NEXMIF: variants seen among roughly 807,000 people sequenced by gnomAD.
NEXMIF encodes XLMR protein related to neurite extension.
A neutral mutation model predicts 62.1 loss-of-function variants in NEXMIF; 8 were observed. The observed-to-expected ratio is 0.13, with a 90% CI of 0.08 to 0.23. The LOEUF is 0.23. Ranked by LOEUF, NEXMIF falls within the 10% of genes least tolerant of loss-of-function variation. The pLI is 1.00. For synonymous variants in NEXMIF, 404 were observed against 416.6 expected, an observed-to-expected ratio of 0.97 and a Z score of 0.37; for missense variants, 976 against 1,113.3, an observed-to-expected ratio of 0.88 and a Z score of 1.75.
At chrX:74,891,387 C>T (rs1258724495) in intron 1 of NEXMIF, among the ~76,000 whole-genome samples, 1 of 109,597 alleles carries the variant, frequency 9.1e-6, no homozygotes, top group African/African-American at 3.3e-5. Flanking sequence ...AGAGAAAAGC[C>T]TAAAGGAAAC....
chrX:74,822,614 C>G (rs1264234489), intron 1 of NEXMIF, among the ~76,000 whole-genome samples: 2 of 112,080 alleles, frequency 1.8e-5, no homozygotes, highest in East Asian at 2.8e-4. Context: ...AGAAGATATA[C>G]AAATGGCCAA....
intron 1 of NEXMIF, among the ~76,000 whole-genome samples, chrX:74,774,156 T>C (rs1469379753): frequency 9.0e-6 from 1 of 111,260 alleles, no homozygotes; most frequent in Non-Finnish European, 1.9e-5. Flanking sequence ...TAAGTGAATA[T>C]GGTAACAGGA....
intron 1 of NEXMIF, among the ~76,000 whole-genome samples, chrX:74,803,080 C>T (rs772395158): frequency 9.1e-6 from 1 of 110,021 alleles, no homozygotes; most frequent in South Asian, 3.8e-4. Flanking sequence ...AAAATAGCCT[C>T]GAAAGGAAAA....
intron 1 of NEXMIF, among the ~76,000 whole-genome samples, chrX:74,902,868 C>T: frequency 8.9e-6 from 1 of 112,070 alleles, no homozygotes; most frequent in East Asian, 2.8e-4. Flanking sequence ...CAGTAAGTGC[C>T]ACTTCACATT....
At chrX:74,817,386 T>G (rs945021206) in intron 1 of NEXMIF, among the ~76,000 whole-genome samples, 5 of 111,381 alleles carry the variant, frequency 4.5e-5, no homozygotes, top group African/African-American at 1.6e-4. Context: ...TCCGGAAGAC[T>G]AAGGCAAGGC....
chrX:74,740,004 T>G, intron 3 of NEXMIF, 96 bp downstream of exon 3: 1 of 789,064 alleles, frequency 1.3e-6, no homozygotes, highest in East Asian at 3.2e-5. Context: ...CATGCAAATT[T>G]TTGCTTTCAA....
chrX:74,820,263 C>G (rs964080295), intron 1 of NEXMIF, among the ~76,000 whole-genome samples: 1 of 109,811 alleles, frequency 9.1e-6, no homozygotes, highest in Non-Finnish European at 1.9e-5. Flanking sequence ...TGCAGCAAAC[C>G]AACATGACCC....
chrX:74,860,214 T>A (rs970848703), intron 1 of NEXMIF, among the ~76,000 whole-genome samples: 14 of 111,918 alleles, frequency 1.3e-4, no homozygotes, highest in African/African-American at 4.2e-4. Context: ...ATACCAATTT[T>A]AAATATATAT....
chrX:74,879,064 G>C (rs192682296), intron 1 of NEXMIF, among the ~76,000 whole-genome samples: 5 of 112,120 alleles, frequency 4.5e-5, no homozygotes, highest in East Asian at 2.8e-4. Flanking sequence ...AAATACCACT[G>C]TGTTACAATT....
At chrX:74,895,345 T>G (rs1602270389) in intron 1 of NEXMIF, among the ~76,000 whole-genome samples, 1 of 111,964 alleles carries the variant, frequency 8.9e-6, no homozygotes, top group African/African-American at 3.2e-5. Flanking sequence ...TCCATGTTTG[T>G]GGGTTGGAAG....
At chrX:74,878,069 T>G (rs1443904812) in intron 1 of NEXMIF, among the ~76,000 whole-genome samples, 1 of 111,725 alleles carries the variant, frequency 9.0e-6, no homozygotes, top group African/African-American at 3.3e-5. Context: ...GTCGCTCTGC[T>G]TTTTAGAGTT....
chrX:74,878,105 C>A (rs749784138), intron 1 of NEXMIF, among the ~76,000 whole-genome samples: 1,167 of 111,133 alleles, frequency 0.011, 17 homozygotes, highest in African/African-American at 0.035. Context: ...CTGTTTTTTC[C>A]CCATCTTTGT....
At chrX:74,739,928 G>C in intron 3 of NEXMIF, 172 bp downstream of exon 3, 1 of 457,060 alleles carries the variant, frequency 2.2e-6, no homozygotes, top group Non-Finnish European at 3.7e-6. Context: ...TAAAGGTATA[G>C]GGATTTTCAT....
chrX:74,835,300 T>A (rs2080452695), intron 1 of NEXMIF, among the ~76,000 whole-genome samples: 1 of 111,930 alleles, frequency 8.9e-6, no homozygotes. Flanking sequence ...TTAGGATAGG[T>A]CCTGGTGCCT....
chrX:74,863,714 C>T (rs1320345381), intron 1 of NEXMIF, among the ~76,000 whole-genome samples: 1 of 111,876 alleles, frequency 8.9e-6, no homozygotes, highest in Non-Finnish European at 1.9e-5. Flanking sequence ...TCTTCTGAAA[C>T]TATTCTAAAC....
At chrX:74,777,052 T>C (rs746331502) in intron 1 of NEXMIF, among the ~76,000 whole-genome samples, 3 of 112,007 alleles carry the variant, frequency 2.7e-5, no homozygotes, top group Non-Finnish European at 5.6e-5. Context: ...TAAGTTGACC[T>C]ATCCCCTCTA....
intron 1 of NEXMIF, among the ~76,000 whole-genome samples, chrX:74,921,917 G>A (rs2080828396): frequency 9.0e-6 from 1 of 111,361 alleles, no homozygotes; most frequent in Non-Finnish European, 1.9e-5. Flanking sequence ...TGTAACAGTC[G>A]AATGCCATTT....
intron 1 of NEXMIF, among the ~76,000 whole-genome samples, chrX:74,898,774 A>G (rs985218782): frequency 2.7e-5 from 3 of 111,664 alleles, no homozygotes; most frequent in African/African-American, 9.7e-5. Flanking sequence ...CTAATAACAA[A>G]TTCAGCAAAG....
In NEXMIF at chrX:74,741,062, T is replaced by C; in HGVS notation, c.3495A>G (p.Gln1165=). 1 of 1,211,801 alleles carries C rather than the reference T, an allele frequency of 8.3e-7. No individual in the cohort carries two copies. Among genetic ancestry groups the C allele is most frequent in the Non-Finnish European group, 1.1e-6 (1 of 895,448 alleles). The change falls in exon 3 of 4, where the codon CAA becomes CAG. Residue 1165 remains glutamine, a synonymous_variant. Coordinates refer to ENST00000055682, the MANE Select transcript of NEXMIF (RefSeq NM_001008537.3). ...TTGACACTTTGTTGTTGGTACTAAT[T>C]TGACCAGATGGATCATTAAATGTTG... ...CLSTFNDPSG[Q]ISTNNKVSKS...
Sources: gnomAD v4.1 joint callset for allele counts (sites outside exome capture counted in the v4.1 genomes callset) on GRCh38, gnomAD v4.1.1 for gene constraint, MANE v1.5 for transcripts, NCBI Gene and HGNC (gene_info 2026-07-23, HGNC 2026-07-21) for gene names.